Variants in OR3A2 observed in about 807,000 individuals in gnomAD.
The protein encoded by OR3A2 is olfactory receptor family 3 subfamily A member 2.
For synonymous variants in OR3A2, 126 were observed against 159.3 expected (o/e 0.79, Z 1.57); for missense variants, 318 against 392.8 (o/e 0.81, Z 1.61).
intron 2 of OR3A2, among the ~76,000 whole-genome samples, chr17:3,364,599 T>G (rs2049547781): frequency 6.6e-6 from 1 of 152,154 alleles, no homozygotes; most frequent in Non-Finnish European, 1.5e-5. Flanking sequence ...TATCAAAAAG[T>G]TAAAAGATGA....
chr17:3,384,361 G>T (rs992701979), intron 1 of OR3A2, among the ~76,000 whole-genome samples: 3 of 152,168 alleles, frequency 2.0e-5, no homozygotes, highest in African/African-American at 7.2e-5. Context: ...GACAGAGCAA[G>T]GACAAGCCTT....
chr17:3,322,309 T>A (rs1301788272), intron 3 of OR3A2, among the ~76,000 whole-genome samples: 1 of 152,086 alleles, frequency 6.6e-6, no homozygotes, highest in Non-Finnish European at 1.5e-5. Context: ...TTTGTTGATC[T>A]TTTCAAAAAA....
chr17:3,333,949 T>C (rs1299141797), intron 3 of OR3A2, among the ~76,000 whole-genome samples: 1 of 152,054 alleles, frequency 6.6e-6, no homozygotes. Flanking sequence ...GCAAAGGACA[T>C]GAACAGACAC....
At chr17:3,349,838 G>A (rs1236656167) in intron 2 of OR3A2, among the ~76,000 whole-genome samples, 1 of 152,054 alleles carries the variant, frequency 6.6e-6, no homozygotes, top group Non-Finnish European at 1.5e-5. Context: ...CTATCTCTCA[G>A]ACCACAGTGC....
chr17:3,332,094 T>C (rs1023533648), intron 3 of OR3A2, among the ~76,000 whole-genome samples: 14 of 152,272 alleles, frequency 9.2e-5, no homozygotes, highest in African/African-American at 3.1e-4. Flanking sequence ...AGCTGTGTGC[T>C]GGGAGAACCA....
Position 3,319,206 on chromosome 17 carries a change from T to C in OR3A2, c.-85+16827A>G, listed in dbSNP as rs573195330. On this transcript the variant is annotated intron_variant, in intron 3 of 4. Transcript: ENST00000573491. The stretch of plus-strand genomic sequence containing the variant: ...TATGCAAGGACAATCTATATGAATA[T>C]ACACTAACTTCAGTGTATTCCATAT... Among the ~76,000 whole-genome samples the C allele has an allele frequency of 6.0e-4, 91 of 152,296 alleles. 1 individual carries two copies. The highest frequency in any genetic ancestry group is 4.3e-3 in the South Asian group (21 of 4,834).
intron 3 of OR3A2, among the ~76,000 whole-genome samples, chr17:3,326,056 C>G (rs2049169159): frequency 6.6e-6 from 1 of 152,060 alleles, no homozygotes; most frequent in African/African-American, 2.4e-5. Context: ...TTTTCTGTGC[C>G]CGCATTAGTT....
exon 2 of OR3A2, chr17:3,278,529 C>G (rs1371644205): frequency 6.2e-7 from 1 of 1,613,420 alleles, no homozygotes; most frequent in Admixed American, 1.7e-5. Context: ...GAGGGGCTGG[C>G]AGATGGCCAG....
intron 2 of OR3A2, among the ~76,000 whole-genome samples, chr17:3,368,032 A>G (rs572175425): frequency 6.6e-5 from 10 of 152,110 alleles, no homozygotes; most frequent in East Asian, 5.8e-4. Context: ...GACCATTTGT[A>G]TATCTTTTGA....
chr17:3,342,653 C>T (rs762737422), intron 2 of OR3A2, among the ~76,000 whole-genome samples: 1 of 152,180 alleles, frequency 6.6e-6, no homozygotes, highest in South Asian at 2.1e-4. Flanking sequence ...CCTCTGGAAG[C>T]TTCGTCTCAG....
At chr17:3,322,170 A>G (rs150707030) in intron 3 of OR3A2, among the ~76,000 whole-genome samples, 25,693 of 151,946 alleles carry the variant, frequency 0.17, 2,788 homozygotes, top group Non-Finnish European at 0.25. Flanking sequence ...AGAGGTGTTT[A>G]TAGTATTCTC....
chr17:3,355,423 G>T (rs2049458064), intron 2 of OR3A2, among the ~76,000 whole-genome samples: 1 of 114,664 alleles, frequency 8.7e-6, no homozygotes, highest in South Asian at 3.2e-4. Flanking sequence ...TTATCATGTT[G>T]GCATTTCTCT....
intron 2 of OR3A2, among the ~76,000 whole-genome samples, chr17:3,365,723 A>G (rs1350457677): frequency 2.6e-5 from 4 of 152,220 alleles, no homozygotes; most frequent in Admixed American, 1.3e-4. Flanking sequence ...GAGTCAGACC[A>G]AAAGTAACAC....
At chr17:3,341,810 T>C (rs1467840030) in intron 2 of OR3A2, among the ~76,000 whole-genome samples, 2 of 152,222 alleles carry the variant, frequency 1.3e-5, no homozygotes, top group Admixed American at 6.5e-5. Flanking sequence ...AATTTTGGAC[T>C]GCCTTGCTAG....
chr17:3,343,507 T>C (rs1468415373), intron 2 of OR3A2, among the ~76,000 whole-genome samples: 5 of 152,244 alleles, frequency 3.3e-5, no homozygotes, highest in Admixed American at 2.6e-4. Context: ...GAGATTTTAA[T>C]GTGCTGCGTC....
At chr17:3,321,104 A>G (rs546033281) in intron 3 of OR3A2, among the ~76,000 whole-genome samples, 22 of 152,120 alleles carry the variant, frequency 1.4e-4, no homozygotes, top group Admixed American at 1.4e-3. Context: ...CATCCTTTGT[A>G]AGTTGGATTC....
intron 2 of OR3A2, among the ~76,000 whole-genome samples, chr17:3,373,948 T>C (rs1328158671): frequency 1.3e-5 from 2 of 152,336 alleles, no homozygotes; most frequent in Non-Finnish European, 2.9e-5. Flanking sequence ...AAAGTTTTAT[T>C]ACCAGATCCA....
At chr17:3,325,456 C>T (rs956922849) in intron 3 of OR3A2, among the ~76,000 whole-genome samples, 6 of 152,120 alleles carry the variant, frequency 3.9e-5, no homozygotes, top group East Asian at 1.9e-4. Context: ...GTGATCCACC[C>T]ACCTTGGCCT....
intron 2 of OR3A2, among the ~76,000 whole-genome samples, chr17:3,354,997 A>T (rs2049453141): frequency 6.6e-6 from 1 of 151,010 alleles, no homozygotes; most frequent in Non-Finnish European, 1.5e-5. Flanking sequence ...ATTCCTTCTC[A>T]ATGTTGTTAT....
Sources: allele counts gnomAD v4.1 joint callset (sites outside exome capture counted in the v4.1 genomes callset), GRCh38; gene constraint gnomAD v4.1.1; transcripts MANE v1.5; gene names NCBI Gene and HGNC (gene_info 2026-07-23, HGNC 2026-07-21).